The following SYNE1 variants were observed in gnomAD, a reference collection of about 807,000 sequenced individuals.
SYNE1 encodes the protein spectrin repeat containing nuclear envelope protein 1.
In SYNE1, 616 loss-of-function variants were observed where a neutral mutation model predicts 1,111.0. The observed-to-expected ratio is 0.55, with a 90% CI of 0.52 to 0.59. The LOEUF (loss-of-function observed/expected upper bound fraction) is 0.59. Among genes scored for constraint, SYNE1 ranks in the 20% least tolerant of loss-of-function variants. The pLI, the probability that SYNE1 is intolerant of heterozygous loss-of-function variation, is 0.00. For synonymous variants in SYNE1, 3,855 were observed against 3,825.8 expected, an observed-to-expected ratio of 1.01 and a Z score of -0.28; for missense variants, 10,006 against 10,417.0, an observed-to-expected ratio of 0.96 and a Z score of 1.72.
At chr6:152,475,930 G>A (rs9397510) in intron 14 of SYNE1, among the ~76,000 whole-genome samples, 29,401 of 152,034 alleles carry the variant, frequency 0.19, 3,338 homozygotes, top group East Asian at 0.43. Context: ...TCCTCCATAC[G>A]TTTGCTTCCC....
rs2099073023 is a variant in SYNE1, at chr6:152,509,242, CTTTTTCTTTTTTTT to C, written c.581+937_581+950del. ...TTTGAGAGCACTCTTTTTCTTTTTT[CTTTTTCTTTTTTTT>C]TTTTTTTTTTTTGAGATGGAGTCTA... On this transcript the variant is annotated intron_variant, in intron 8 of 145. Transcript: ENST00000367255. 4.1e-5 allele frequency among the ~76,000 whole-genome samples: 5 copies of C among 122,764 alleles called. No individual in the cohort carries two copies. The South Asian group carries it at 1.3e-3, about 32-fold the overall frequency. The allele number at this position is 122,764 out of a possible 152,430, so 80.5% of individuals were successfully genotyped here. A position where few individuals can be genotyped will look rare whatever the true frequency, so the allele number is the denominator to read the frequency against.
chr6:152,437,368 A>G (rs2098483122), intron 32 of SYNE1, among the ~76,000 whole-genome samples: 1 of 152,188 alleles, frequency 6.6e-6, no homozygotes, highest in African/African-American at 2.4e-5. Context: ...AGGCTCTTTC[A>G]TGTAAAATGC....
chr6:152,558,371 T>C (rs1299998834), intron 3 of SYNE1, among the ~76,000 whole-genome samples: 1 of 152,190 alleles, frequency 6.6e-6, no homozygotes, highest in Admixed American at 6.5e-5. Flanking sequence ...ATAGACTAAA[T>C]TCTTTAATCA....
chr6:152,522,241 A>T (rs544103912), intron 5 of SYNE1, among the ~76,000 whole-genome samples: 1 of 152,182 alleles, frequency 6.6e-6, no homozygotes, highest in Non-Finnish European at 1.5e-5. Flanking sequence ...TCCAAAGTCC[A>T]TTATACCATT....
At chr6:152,561,053 A>G (rs1164126385) in intron 3 of SYNE1, among the ~76,000 whole-genome samples, 1 of 152,184 alleles carries the variant, frequency 6.6e-6, no homozygotes, top group Non-Finnish European at 1.5e-5. Context: ...ATTCAACATA[A>G]CACTGAAATT....
intron 6 of SYNE1, among the ~76,000 whole-genome samples, chr6:152,512,236 T>G (rs1396578813): frequency 6.6e-6 from 1 of 152,174 alleles, no homozygotes; most frequent in African/African-American, 2.4e-5. Context: ...CTATGGGATT[T>G]TTGTCTCACT....
intron 55 of SYNE1, among the ~76,000 whole-genome samples, chr6:152,381,786 C>T (rs1026334617): frequency 6.6e-6 from 1 of 152,176 alleles, no homozygotes; most frequent in African/African-American, 2.4e-5. Context: ...AATTCATCTT[C>T]TTCAACAGGG....
chr6:152,305,579 A>G (rs2095349680), intron 91 of SYNE1, among the ~76,000 whole-genome samples: 1 of 152,124 alleles, frequency 6.6e-6, no homozygotes. Context: ...ATTATTTTTA[A>G]AAGTTTGAAT....
intron 36 of SYNE1, among the ~76,000 whole-genome samples, chr6:152,429,856 A>C (rs772201066): frequency 2.0e-5 from 3 of 152,184 alleles, no homozygotes; most frequent in African/African-American, 7.2e-5. Flanking sequence ...TAAAAATGTT[A>C]CTCATCCTAA....
At chr6:152,257,302 G>A (rs1011169828) in intron 101 of SYNE1, among the ~76,000 whole-genome samples, 2 of 152,216 alleles carry the variant, frequency 1.3e-5, no homozygotes, top group African/African-American at 2.4e-5. Context: ...GGAGGCTGAG[G>A]TGGGCAGATC....
intron 6 of SYNE1, among the ~76,000 whole-genome samples, chr6:152,516,050 AT>A: frequency 6.6e-6 from 1 of 152,238 alleles, no homozygotes; most frequent in Non-Finnish European, 1.5e-5. Context: ...TCAAAGACAA[AT>A]TTCTAAAAAT....
chr6:152,573,246 T>C (rs2099475016), intron 3 of SYNE1, among the ~76,000 whole-genome samples: 1 of 151,996 alleles, frequency 6.6e-6, no homozygotes, highest in Non-Finnish European at 1.5e-5. Context: ...GTTTGTTACA[T>C]ATGTATACAT....
chr6:152,192,300 T>A (rs1331548463), intron 127 of SYNE1, among the ~76,000 whole-genome samples: 1 of 134,640 alleles, frequency 7.4e-6, no homozygotes, highest in Admixed American at 7.2e-5. Context: ...TGTTTTTTTG[T>A]TTATTTTCTG....
intron 9 of SYNE1, 55 bp from the exon 10 acceptor site, chr6:152,502,797 A>C (rs2099036907): frequency 2.3e-6 from 3 of 1,318,946 alleles, no homozygotes; most frequent in Non-Finnish European, 3.3e-6. Context: ...TTGGATTTTG[A>C]TAATACAAGT....
intron 98 of SYNE1, among the ~76,000 whole-genome samples, chr6:152,273,269 C>G (rs1443922203): frequency 3.3e-5 from 5 of 152,212 alleles, no homozygotes; most frequent in African/African-American, 1.2e-4. Flanking sequence ...CGCTAAGTCT[C>G]AAGCCTGGCC....
At chr6:152,157,760 C>CT (rs545941179) in intron 131 of SYNE1, among the ~76,000 whole-genome samples, 5,987 of 135,134 alleles carry the variant, frequency 0.044, 235 homozygotes, top group African/African-American at 0.1. Context: ...AGAACAAATT[C>CT]TTTTTTTTTT....
At chr6:152,339,495 G>T in intron 74 of SYNE1, 129 bp from the exon 75 acceptor site, 1 of 1,335,706 alleles carries the variant, frequency 7.5e-7, no homozygotes, top group Non-Finnish European at 1.0e-6. Flanking sequence ...TCACCATTGT[G>T]TTCAAGTGAC....
At chr6:152,381,664 G>C in intron 55 of SYNE1, 1 of 431,076 alleles carries the variant, frequency 2.3e-6, no homozygotes. Context: ...TCAAGTGTTT[G>C]CCTGTGGTGG....
At chr6:152,467,627 T>G (rs1166805042) in intron 16 of SYNE1, among the ~76,000 whole-genome samples, 1 of 152,074 alleles carries the variant, frequency 6.6e-6, no homozygotes. Flanking sequence ...TAATTAAAAA[T>G]GAACAAGTGA....
Sources: allele counts gnomAD v4.1 joint callset (sites outside exome capture counted in the v4.1 genomes callset), GRCh38; gene constraint gnomAD v4.1.1; transcripts MANE v1.5; gene names NCBI Gene and HGNC (gene_info 2026-07-23, HGNC 2026-07-21).